PHEX: variants seen among roughly 807,000 people sequenced by gnomAD.
PHEX encodes the protein phosphate-regulating neutral endopeptidase PHEX.
PHEX carries 16 observed loss-of-function variants against 68.0 expected under a neutral mutation model. The observed-to-expected ratio is 0.24, with a 90% CI of 0.16 to 0.36. PHEX has a LOEUF of 0.36. PHEX is among the 10% of genes least tolerant of loss of function. The probability of loss-of-function intolerance (pLI) is 1.00; values close to 1 mark genes in which losing one functional copy is unlikely to be tolerated. For missense variants in PHEX, 480 were observed against 575.5 expected, an observed-to-expected ratio of 0.83 and a Z score of 1.70; for synonymous variants, 208 against 205.1, an observed-to-expected ratio of 1.01 and a Z score of -0.12.
intron 11 of PHEX, among the ~76,000 whole-genome samples, chrX:22,127,316 T>C (rs1931781092): frequency 8.9e-6 from 1 of 112,212 alleles, no homozygotes; most frequent in African/African-American, 3.2e-5. Context: ...AAATATTTCC[T>C]ATGGATAACT....
intron 12 of PHEX, among the ~76,000 whole-genome samples, chrX:22,160,549 CAAAAAAAAAAAAAAAA>C (rs1289353309): frequency 1.5e-5 from 1 of 68,739 alleles, no homozygotes; most frequent in Non-Finnish European, 2.8e-5. Flanking sequence ...AACTCCGTCT[CAAAAAAAAAAAAAAAA>C]GAAAAGAAAA....
intron 15 of PHEX, among the ~76,000 whole-genome samples, chrX:22,201,010 A>G (rs762308297): frequency 8.9e-6 from 1 of 112,079 alleles, no homozygotes; most frequent in Non-Finnish European, 1.9e-5. Context: ...CTAGCTTAAA[A>G]GGAGTATTTA....
At chrX:22,036,942 C>CA (rs1234529322) in intron 1 of PHEX, among the ~76,000 whole-genome samples, 1 of 107,414 alleles carries the variant, frequency 9.3e-6, no homozygotes, top group Non-Finnish European at 1.9e-5. Context: ...CTAAAAAATA[C>CA]AAAAAAATTA....
At chrX:22,236,862 G>C (rs1935999321) in intron 20 of PHEX, among the ~76,000 whole-genome samples, 1 of 112,393 alleles carries the variant, frequency 8.9e-6, no homozygotes, top group African/African-American at 3.2e-5. Flanking sequence ...TAAACTAATT[G>C]ATTGATAGTG....
intron 2 of PHEX, among the ~76,000 whole-genome samples, chrX:22,044,939 C>T (rs941465218): frequency 9.2e-6 from 1 of 109,058 alleles, no homozygotes; most frequent in Non-Finnish European, 1.9e-5. Context: ...CTCAAGTGAT[C>T]TGCCCACCTC....
At chrX:22,082,852 G>C (rs185293869) in intron 5 of PHEX, among the ~76,000 whole-genome samples, 1 of 111,972 alleles carries the variant, frequency 8.9e-6, no homozygotes, top group Non-Finnish European at 1.9e-5. Context: ...ATTAGAAAAA[G>C]GCTATTCTAA....
At chrX:22,188,788 A>T (rs1242657183) in intron 14 of PHEX, among the ~76,000 whole-genome samples, 1 of 111,623 alleles carries the variant, frequency 9.0e-6, no homozygotes, top group East Asian at 2.8e-4. Context: ...AGTTATCTTA[A>T]AATGTACAAT....
At position 22,247,908 on chromosome X, in the gene PHEX, C is replaced by T. The variant is rs755989604; in HGVS notation, c.2205C>T (p.Pro735=). 23 of 1,207,921 alleles carry T rather than the reference C, an allele frequency of 1.9e-5. No homozygotes were observed. The highest frequency in any genetic ancestry group is 2.5e-5 in the Non-Finnish European group (22 of 893,292). Residue 735 remains proline, a synonymous_variant, in exon 22 of 22, where the codon CCC becomes CCT. Transcript: ENST00000379374. ...EEFQKAFNCP[P]NSTMNRGMDS... is the part of the protein sequence containing the mutation. The stretch of plus-strand genomic sequence containing the variant: ...TCCAGAAAGCTTTTAACTGTCCACC[C>T]AATTCCACGATGAACAGAGGCATGG...
chrX:22,189,785 G>A (rs1406286612), intron 14 of PHEX, among the ~76,000 whole-genome samples: 1 of 111,947 alleles, frequency 8.9e-6, no homozygotes, highest in East Asian at 2.8e-4. Context: ...TTTAAGGTTT[G>A]GGTGTAGACT....
intron 11 of PHEX, among the ~76,000 whole-genome samples, chrX:22,128,551 G>T (rs1373923898): frequency 9.9e-5 from 11 of 110,802 alleles, no homozygotes; most frequent in African/African-American, 3.6e-4. Flanking sequence ...GGAGCAAAAT[G>T]ACCTTAAGAT....
intron 5 of PHEX, among the ~76,000 whole-genome samples, chrX:22,085,752 G>A (rs966435603): frequency 1.8e-5 from 2 of 111,492 alleles, no homozygotes; most frequent in African/African-American, 3.3e-5. Context: ...GTTCCACATG[G>A]TGATAAAAAG....
chrX:22,224,946 A>AT (rs1935397132), intron 18 of PHEX, among the ~76,000 whole-genome samples: 1 of 319 alleles, frequency 3.1e-3, no homozygotes, highest in Non-Finnish European at 7.4e-3. Flanking sequence ...CAAATAACAT[A>AT]AATTATCATA....
chrX:22,222,764 A>G (rs1935311494), intron 18 of PHEX, among the ~76,000 whole-genome samples: 1 of 111,886 alleles, frequency 8.9e-6, no homozygotes, highest in Non-Finnish European at 1.9e-5. Flanking sequence ...ATTGAAACAA[A>G]TGTATCCCCA....
intron 10 of PHEX, among the ~76,000 whole-genome samples, chrX:22,112,932 C>G (rs1326718118): frequency 9.2e-6 from 1 of 109,128 alleles, no homozygotes; most frequent in Non-Finnish European, 1.9e-5. Context: ...GTCTTTTTTA[C>G]AGAGAACAGC....
rs755270217 is a variant in PHEX at position 22,134,162 on chromosome X, G to A, written c.1404+538G>A. On this transcript the variant is annotated intron_variant, in intron 12 of 21. Coordinates refer to ENST00000379374, the MANE Select transcript of PHEX (RefSeq NM_000444.6). Reference sequence around the variant, plus strand: ...GTATACTGATAAACTGCAGACCAGTGTTCTACCATTGCTTAGGACTACAAA... The same window carrying A: ...GTATACTGATAAACTGCAGACCAGTATTCTACCATTGCTTAGGACTACAAA... Among the ~76,000 whole-genome samples the A allele has an allele frequency of 1.3e-4, 15 of 112,607 alleles. No individual in the cohort carries two copies. In the East Asian group the frequency reaches 3.9e-3, roughly 29 times the overall value.
chrX:22,095,250 A>G (rs925868173), intron 7 of PHEX, among the ~76,000 whole-genome samples: 3 of 111,883 alleles, frequency 2.7e-5, no homozygotes, highest in African/African-American at 9.8e-5. Flanking sequence ...ACTGCTGCAG[A>G]TGTTTCGAAG....
chrX:22,241,713 A>G (rs1317032296), intron 20 of PHEX, among the ~76,000 whole-genome samples: 1 of 112,183 alleles, frequency 8.9e-6, no homozygotes, highest in East Asian at 2.8e-4. Context: ...CCCTCCCAAG[A>G]CTAAACCAGG....
rs1380865958 is a variant in PHEX, at chrX:22,249,647, T to G, written c.*1694T>G. 1 of 105,990 alleles carries G rather than the reference T, an allele frequency of 9.4e-6. No homozygotes were observed. The highest frequency in any genetic ancestry group is 1.9e-5 in the Non-Finnish European group (1 of 51,882). 8.7% of individuals were successfully genotyped at this position (105,990 alleles called of 1,213,427 possible). On this transcript the variant is annotated 3_prime_UTR_variant, in exon 22 of 22. Coordinates refer to ENST00000379374, the MANE Select transcript of PHEX (RefSeq NM_000444.6). ...CTTCCTCTCTGAATGGATAAACTTG[T>G]GAAGGGCAGCTACCTTGTCCTCCTC...
At chrX:22,035,819 C>T (rs757259928) in intron 1 of PHEX, among the ~76,000 whole-genome samples, 11 of 109,802 alleles carry the variant, frequency 1.0e-4, no homozygotes, top group Non-Finnish European at 2.1e-4. Flanking sequence ...TCAAAAGTAA[C>T]ATCTTAATTT....
Sources: gnomAD v4.1 joint callset for allele counts (sites outside exome capture counted in the v4.1 genomes callset) on GRCh38, gnomAD v4.1.1 for gene constraint, MANE v1.5 for transcripts, NCBI Gene and HGNC (gene_info 2026-07-23, HGNC 2026-07-21) for gene names.